The following EPB41L4A variants were observed in gnomAD, a reference collection of about 807,000 sequenced individuals.
The protein encoded by EPB41L4A is band 4.1-like protein 4A.
Under a neutral mutation model 108.6 loss-of-function variants are expected in EPB41L4A, and 100 were observed. That is an observed-to-expected ratio of 0.92 (90% confidence interval 0.78 to 1.09). The LOEUF (loss-of-function observed/expected upper bound fraction) is 1.09. Ranked by LOEUF, EPB41L4A falls within the 50% of genes least tolerant of loss-of-function variation. EPB41L4A has a pLI of 0.00. For missense variants in EPB41L4A, 1,030 were observed against 842.7 expected, an observed-to-expected ratio of 1.22 and a Z score of -2.75; for synonymous variants, 319 against 289.0, an observed-to-expected ratio of 1.10 and a Z score of -1.05.
At chr5:112,403,950 T>G (rs1761936339) in intron 1 of EPB41L4A, among the ~76,000 whole-genome samples, 1 of 152,090 alleles carries the variant, frequency 6.6e-6, no homozygotes, top group African/African-American at 2.4e-5. Flanking sequence ...AAGGTTGACA[T>G]CAAAAAAGGA....
chr5:112,226,853 G>C (rs1227670001), intron 12 of EPB41L4A, among the ~76,000 whole-genome samples: 1 of 151,784 alleles, frequency 6.6e-6, no homozygotes, highest in Non-Finnish European at 1.5e-5. Flanking sequence ...ACGGGGTATA[G>C]TTTCAGAGTC....
intron 1 of EPB41L4A, among the ~76,000 whole-genome samples, chr5:112,381,632 C>T (rs1760180713): frequency 6.6e-6 from 1 of 152,238 alleles, no homozygotes; most frequent in African/African-American, 2.4e-5. Flanking sequence ...CAAAGTGAGC[C>T]AAATCCAAAC....
chr5:112,316,532 A>T (rs6860443), intron 1 of EPB41L4A, among the ~76,000 whole-genome samples: 1 of 151,826 alleles, frequency 6.6e-6, no homozygotes, highest in Non-Finnish European at 1.5e-5. Flanking sequence ...CCCATTGTTT[A>T]TGTCTAAGAG....
At chr5:112,391,628 G>A (rs191513219) in intron 1 of EPB41L4A, among the ~76,000 whole-genome samples, 2 of 152,262 alleles carry the variant, frequency 1.3e-5, no homozygotes, top group Non-Finnish European at 2.9e-5. Context: ...AAGCGATGGG[G>A]AGAATGGAAC....
intron 1 of EPB41L4A, among the ~76,000 whole-genome samples, chr5:112,382,062 T>C (rs746199015): frequency 6.6e-6 from 1 of 152,230 alleles, no homozygotes; most frequent in Non-Finnish European, 1.5e-5. Flanking sequence ...GCAGTGCACA[T>C]CAGTTAGTCA....
At chr5:112,173,134 G>T (rs1760678431) in intron 18 of EPB41L4A, among the ~76,000 whole-genome samples, 1 of 152,196 alleles carries the variant, frequency 6.6e-6, no homozygotes, top group Non-Finnish European at 1.5e-5. Flanking sequence ...TTTTTGTAAA[G>T]ATCCATTATG....
Position 112,148,643 on chromosome 5 carries a change from CTG to C in EPB41L4A, n.995-2647_995-2646del, listed in dbSNP as rs141748587. On this transcript the variant is annotated intron_variant and non_coding_transcript_variant, in intron 12 of 13. Coordinates refer to the EPB41L4A transcript ENST00000507810. ...CATTGTAACCAGTTTCTTGCCACCTCTGAGAAACAGCCATTGATTTTTATGTT... is the reference window on the plus strand; with the variant it reads ...CATTGTAACCAGTTTCTTGCCACCTCAGAAACAGCCATTGATTTTTATGTT... Among the ~76,000 whole-genome samples, 80 of 152,280 alleles carry C rather than the reference CTG, an allele frequency of 5.3e-4. 1 individual carries two copies. The highest frequency in any genetic ancestry group is 1.9e-3 in the African/African-American group (79 of 41,554).
At chr5:112,303,892 G>C (rs765078800) in intron 2 of EPB41L4A, among the ~76,000 whole-genome samples, 10 of 152,096 alleles carry the variant, frequency 6.6e-5, no homozygotes, top group Non-Finnish European at 1.3e-4. Context: ...GGAGGGGAAC[G>C]GGAGGTTCTA....
At chr5:112,339,540 A>AT (rs1292216117) in intron 1 of EPB41L4A, among the ~76,000 whole-genome samples, 2 of 101,072 alleles carry the variant, frequency 2.0e-5, no homozygotes, top group African/African-American at 4.8e-5. Flanking sequence ...ATATATATAT[A>AT]TATTTTTTTT....
In EPB41L4A at chr5:112,168,771, C is replaced by T. The variant is rs754709341; in HGVS notation, c.1900G>A (p.Ala634Thr). ...PPLPVTRSSDAQGSGDATVHQ... is the reference protein window; with the variant it reads ...PPLPVTRSSDTQGSGDATVHQ... Reference sequence around the variant, plus strand: ...ACTGTAGCATCCCCAGAACCCTGAGCATCCGAAGAACGGGTCACCGGAAGT... The same window carrying T: ...ACTGTAGCATCCCCAGAACCCTGAGTATCCGAAGAACGGGTCACCGGAAGT... Residue 634 changes from alanine to threonine, a missense_variant, in exon 22 of 23, where the codon GCT becomes ACT. By Grantham distance (58) the Ala-to-Thr change is moderately conservative. Coordinates refer to ENST00000261486, the MANE Select transcript of EPB41L4A (RefSeq NM_022140.5). 29 of 1,614,092 alleles carry T rather than the reference C, an allele frequency of 1.8e-5. No individual in the cohort carries two copies. Among genetic ancestry groups the T allele is most frequent in the Non-Finnish European group, 2.2e-5 (26 of 1,179,962 alleles).
intron 1 of EPB41L4A, among the ~76,000 whole-genome samples, chr5:112,334,660 C>A (rs937442879): frequency 1.3e-5 from 2 of 152,126 alleles, no homozygotes; most frequent in Non-Finnish European, 2.9e-5. Context: ...CTGGGCCAAA[C>A]CAATGTATAC....
At chr5:112,187,867 A>T (rs1580392848) in intron 17 of EPB41L4A, among the ~76,000 whole-genome samples, 1 of 152,188 alleles carries the variant, frequency 6.6e-6, no homozygotes, top group South Asian at 2.1e-4. Context: ...CAAGCCATAA[A>T]CATTGCTCCT....
chr5:112,334,753 G>A (rs1756808003), intron 1 of EPB41L4A, among the ~76,000 whole-genome samples: 1 of 152,170 alleles, frequency 6.6e-6, no homozygotes, highest in Admixed American at 6.5e-5. Flanking sequence ...ACCACCTTGG[G>A]CGCATGTTCT....
intron 1 of EPB41L4A, among the ~76,000 whole-genome samples, chr5:112,347,847 C>T (rs576099665): frequency 1.2e-4 from 18 of 152,296 alleles, no homozygotes; most frequent in African/African-American, 4.1e-4. Flanking sequence ...GGTCCAGCTA[C>T]CCAGCCACAG....
intron 4 of EPB41L4A, among the ~76,000 whole-genome samples, chr5:112,274,490 A>C (rs969878490): frequency 4.6e-5 from 7 of 152,162 alleles, no homozygotes; most frequent in Non-Finnish European, 4.4e-5. Flanking sequence ...ATAAAGAAAA[A>C]AGAAAGTCTG....
intron 1 of EPB41L4A, among the ~76,000 whole-genome samples, chr5:112,314,538 A>AAAG (rs1561563700): frequency 5.4e-5 from 6 of 111,238 alleles, no homozygotes; most frequent in African/African-American, 2.2e-4. Flanking sequence ...AAAAAAAAAA[A>AAAG]GAAAAGAAAT....
At chr5:112,378,480 A>C (rs1466610180) in intron 1 of EPB41L4A, among the ~76,000 whole-genome samples, 1 of 152,216 alleles carries the variant, frequency 6.6e-6, no homozygotes, top group Non-Finnish European at 1.5e-5. Flanking sequence ...ATATCTTAAC[A>C]ATACAGATTA....
chr5:112,192,180 A>G (rs1580401542), intron 17 of EPB41L4A: 1 of 152,562 alleles, frequency 6.6e-6, no homozygotes, highest in Non-Finnish European at 1.5e-5. Flanking sequence ...TTAAGAGGCT[A>G]ATGATGGGAT....
At chr5:112,339,461 G>GAGATATAAATATCT (rs1757121779) in intron 1 of EPB41L4A, among the ~76,000 whole-genome samples, 1 of 121,182 alleles carries the variant, frequency 8.3e-6, no homozygotes, top group African/African-American at 3.2e-5. Flanking sequence ...TATAGCTATA[G>GAGATATAAATATCT]ATATATATAT....
Sources: gnomAD v4.1 joint callset for allele counts (sites outside exome capture counted in the v4.1 genomes callset) on GRCh38, gnomAD v4.1.1 for gene constraint, MANE v1.5 for transcripts, NCBI Gene and HGNC (gene_info 2026-07-23, HGNC 2026-07-21) for gene names.